The following ADSS1 variants were observed in gnomAD, a reference collection of about 807,000 sequenced individuals.
ADSS1 encodes adenylosuccinate synthetase isozyme 1.
ADSS1 carries 57 observed loss-of-function variants against 59.1 expected under a neutral mutation model. The observed-to-expected ratio is 0.97, with a 90% CI of 0.78 to 1.20. ADSS1 has a LOEUF of 1.20. Ranked by LOEUF, ADSS1 falls within the 50% of genes most tolerant of loss-of-function variation. The pLI is 0.00. For missense variants in ADSS1, 603 were observed against 610.3 expected, an observed-to-expected ratio of 0.99 and a Z score of 0.13; for synonymous variants, 247 against 249.4, an observed-to-expected ratio of 0.99 and a Z score of 0.09.
intron 2 of ADSS1, chr14:104,737,452 T>C (rs954655149): frequency 6.6e-6 from 1 of 152,258 alleles, no homozygotes; most frequent in Non-Finnish European, 1.5e-5. Context: ...CTCCACTGTC[T>C]GGATGGACCA....
chr14:104,734,381 G>A (rs1263247381), intron 1 of ADSS1, among the ~76,000 whole-genome samples: 1 of 152,226 alleles, frequency 6.6e-6, no homozygotes, highest in African/African-American at 2.4e-5. Context: ...AGAGGCCCTT[G>A]GGGAAGCGAA....
chr14:104,743,291 C>G (rs1219405701), intron 10 of ADSS1, 100 bp downstream of exon 10: 3 of 1,524,714 alleles, frequency 2.0e-6, no homozygotes, highest in Admixed American at 3.4e-5. Context: ...GCCACCAAGT[C>G]TCCTTGGACA....
In ADSS1 at chr14:104,724,451, A is replaced by C; in HGVS notation, c.181A>C (p.Ser61Arg). The change falls in exon 1 of 13, where the codon AGC becomes CGC. Residue 61 changes from serine (S) to arginine (R), a missense_variant. Transcript: ENST00000330877. ...GCTGGCCACGGACGCCGACATCATCAGCCGCTGCCAGGTGCGGGCTGGGGC... is the reference window on the plus strand; with the variant it reads ...GCTGGCCACGGACGCCGACATCATCCGCCGCTGCCAGGTGCGGGCTGGGGC... Reference protein sequence around the residue: ...DLLATDADIISRCQGGNNAGH... With the variant: ...DLLATDADIIRRCQGGNNAGH... 5 of 1,251,984 alleles carry C rather than the reference A, an allele frequency of 4.0e-6. No homozygotes were observed. The highest frequency in any genetic ancestry group is 5.0e-6 in the Non-Finnish European group (5 of 994,064). The allele number at this position is 1,251,984 out of a possible 1,614,324, so 77.6% of individuals were successfully genotyped here. A position where few individuals can be genotyped will look rare whatever the true frequency, so the allele number is the denominator to read the frequency against.
rs202160058 is a variant in ADSS1 at position 104,740,908 on chromosome 14, C to T, written c.654C>T (p.Leu218=). The change falls in exon 7 of 13, where the codon CTC becomes CTT. Residue 218 remains leucine (L), a synonymous_variant. Coordinates refer to ENST00000330877, the MANE Select transcript of ADSS1 (RefSeq NM_152328.5). This position sits in a 1 kb window ranked among gnomAD's most constrained non-coding sequence, Gnocchi z 4.8. ...PTLEIDIEGQ[L]KRLKGFAERI... ...TGGAAATAGACATTGAAGGCCAACT[C>T]AAAAGGCTCAAGGTGAAGTCGGGGC... 6.8e-6 allele frequency: 11 copies of T among 1,613,964 alleles called. No individual in the cohort carries two copies. The East Asian group carries it at 2.5e-4, about 36-fold the overall frequency.
chr14:104,741,317 G>A, intron 8 of ADSS1, 74 bp downstream of exon 8: 1 of 1,497,672 alleles, frequency 6.7e-7, no homozygotes, highest in Non-Finnish European at 8.9e-7. Flanking sequence ...GAGAGCCGTG[G>A]GAACCGATGG....
At position 104,744,888 on chromosome 14, in the gene ADSS1, A is replaced by G. The variant is rs1891499783; in HGVS notation, c.1150A>G (p.Lys384Glu). ...KVGVSYKLNGKRIPYFPANQE... is the reference protein window; with the variant it reads ...KVGVSYKLNGERIPYFPANQE... Reference sequence around the variant, plus strand: ...CGGTGTCTCATACAAGCTGAACGGGAAAAGGATTCCCTATTTCCCAGGTAT... The same window carrying G: ...CGGTGTCTCATACAAGCTGAACGGGGAAAGGATTCCCTATTTCCCAGGTAT... The change falls in exon 11 of 13, where the codon AAA becomes GAA. Residue 384 changes from lysine to glutamate, a missense_variant. Lys to Glu is a moderately conservative substitution (Grantham distance 56, BLOSUM62 1). Transcript: ENST00000330877. 6.2e-7 allele frequency: 1 copy of G among 1,613,932 alleles called. No homozygotes were observed.
intron 1 of ADSS1, chr14:104,729,994 A>G (rs1233939461): frequency 1.3e-6 from 2 of 1,596,798 alleles, no homozygotes; most frequent in East Asian, 4.6e-5. Flanking sequence ...CTCACAGCAC[A>G]GCCCTCCCCT....
In ADSS1 at chr14:104,747,118, T is replaced by A. The variant is rs1891595363; in HGVS notation, c.*115T>A. 2.2e-6 allele frequency: 2 copies of A among 901,686 alleles called. No individual in the cohort carries two copies. The highest frequency in any genetic ancestry group is 2.6e-5 in the Admixed American group (1 of 37,836). 55.9% of individuals were successfully genotyped at this position (901,686 alleles called of 1,614,324 possible). ...ACCAAAGCAGGAAAACCATTTTCTG[T>A]ACTTTTATATTTCTGTTCAACCTGT... On this transcript the variant is annotated 3_prime_UTR_variant, in exon 13 of 13. Coordinates refer to ENST00000330877, the MANE Select transcript of ADSS1 (RefSeq NM_152328.5).
At chr14:104,726,588 G>T (rs945321130) in intron 1 of ADSS1, among the ~76,000 whole-genome samples, 1 of 152,190 alleles carries the variant, frequency 6.6e-6, no homozygotes, top group African/African-American at 2.4e-5. Context: ...GTCGTCAGAG[G>T]CTGGCAGAGG....
intron 2 of ADSS1, chr14:104,737,341 G>A (rs7160733): frequency 0.38 from 57,376 of 151,910 alleles, 11,246 homozygotes; most frequent in East Asian, 0.6. Flanking sequence ...ACAGTATGTC[G>A]CCTTTTCGGA....
intron 12 of ADSS1, 154 bp from the exon 13 acceptor site, chr14:104,746,797 C>G: frequency 1.3e-6 from 1 of 761,704 alleles, no homozygotes; most frequent in Non-Finnish European, 2.2e-6. Flanking sequence ...ACATGCACTA[C>G]CTTCATAACT....
chr14:104,743,141 G>A lies in ADSS1; in HGVS notation c.1023G>A (p.Trp341Ter). 6.2e-7 allele frequency: 1 copy of A among 1,612,596 alleles called. No homozygotes were observed. Among genetic ancestry groups the A allele is most frequent in the Non-Finnish European group, 8.5e-7 (1 of 1,180,016 alleles). Residue 341 changes from tryptophan to a stop codon, truncating the protein, a stop_gained, in exon 10 of 13, where the codon TGG (tryptophan) becomes TGA (stop). Transcript: ENST00000330877. LOFTEE classifies it high-confidence loss of function. ...CAGGCAGGAAGAGGCGCTGCGGCTG[G>A]CTCGACCTGATGATTCTAAGATATG... Reference protein sequence around the residue: ...VTTGRKRRCGWLDLMILRYAH... With the variant: ...VTTGRKRRCG
In ADSS1 at chr14:104,730,128, G is replaced by T. The variant is rs779359004; in HGVS notation, c.193-4892G>T. ...ACGCTGGGAGAGGAGAGGGCTTGGAGGAGCCACGGGTCAAATGCAGGAGGC... is the reference window on the plus strand; with the variant it reads ...ACGCTGGGAGAGGAGAGGGCTTGGATGAGCCACGGGTCAAATGCAGGAGGC... On this transcript the variant is annotated intron_variant, in intron 1 of 12. Coordinates refer to ENST00000330877, the MANE Select transcript of ADSS1 (RefSeq NM_152328.5). The T allele has an allele frequency of 4.5e-6, 7 of 1,547,632 alleles. No homozygotes were observed. In the African/African-American group the frequency reaches 6.9e-5, roughly 15 times the overall value.
intron 1 of ADSS1, among the ~76,000 whole-genome samples, chr14:104,726,259 G>A (rs1238139182): frequency 6.6e-6 from 1 of 152,376 alleles, no homozygotes; most frequent in East Asian, 1.9e-4. Flanking sequence ...GGGAACAGAG[G>A]CTCAGGCGTG....
intron 1 of ADSS1, among the ~76,000 whole-genome samples, chr14:104,729,535 GT>G (rs111352714): frequency 0.22 from 17,974 of 81,284 alleles, 2,479 homozygotes; most frequent in African/African-American, 0.43. Context: ...CGTCGGCGTC[GT>G]GGGGAGGAGC....
intron 1 of ADSS1, among the ~76,000 whole-genome samples, chr14:104,726,543 CCT>C (rs1458837192): frequency 1.3e-5 from 2 of 152,250 alleles, no homozygotes; most frequent in Non-Finnish European, 1.5e-5. Flanking sequence ...CAGCACCTCC[CCT>C]GTTCTTGTGC....
chr14:104,743,248 A>G, intron 10 of ADSS1, 57 bp downstream of exon 10: 8 of 1,592,798 alleles, frequency 5.0e-6, no homozygotes, highest in Admixed American at 1.7e-5. Context: ...CGACACCTGC[A>G]GAGGCAAGCA....
chr14:104,732,991 C>A (rs148249940), intron 1 of ADSS1, among the ~76,000 whole-genome samples: 1 of 152,192 alleles, frequency 6.6e-6, no homozygotes, highest in African/African-American at 2.4e-5. Context: ...TGGACTGAAC[C>A]TGTGCGCCCA....
chr14:104,741,330 GA>G, intron 8 of ADSS1, 87 bp downstream of exon 8: 1 of 1,486,208 alleles, frequency 6.7e-7, no homozygotes. Context: ...ACCGATGGGG[GA>G]GGGAGGGGCA....
Sources: allele counts gnomAD v4.1 joint callset (sites outside exome capture counted in the v4.1 genomes callset), GRCh38; gene constraint gnomAD v4.1.1; non-coding constraint Gnocchi (gnomAD v3.1); transcripts MANE v1.5; gene names NCBI Gene and HGNC (gene_info 2026-07-23, HGNC 2026-07-21).